Variants in NIN observed in about 807,000 individuals in gnomAD.
NIN encodes ninein, also known as glycogen synthase kinase 3 beta-interacting protein.
NIN carries 137 observed loss-of-function variants against 257.6 expected under a neutral mutation model. The ratio of observed to expected loss-of-function variants is 0.53; its 90% CI spans 0.46 to 0.61. The LOEUF (loss-of-function observed/expected upper bound fraction) is 0.61, where lower values mean the gene tolerates loss of function less well. Ranked by LOEUF, NIN falls within the 20% of genes least tolerant of loss-of-function variation. The pLI is 0.00. For missense variants in NIN, 2,439 were observed against 2,501.2 expected, an observed-to-expected ratio of 0.98 and a Z score of 0.53; for synonymous variants, 918 against 919.8, an observed-to-expected ratio of 1.00 and a Z score of 0.04.
intron 2 of NIN, among the ~76,000 whole-genome samples, chr14:50,829,174 G>C (rs1160539181): frequency 6.6e-6 from 1 of 152,076 alleles, no homozygotes; most frequent in Non-Finnish European, 1.5e-5. Flanking sequence ...ACCTCCCAAA[G>C]GACACTGACA....
intron 3 of NIN, among the ~76,000 whole-genome samples, chr14:50,807,035 A>AC (rs1385908400): frequency 6.6e-6 from 1 of 152,160 alleles, no homozygotes; most frequent in Non-Finnish European, 1.5e-5. Context: ...ATATTTATTC[A>AC]CCCCAAAGGA....
chr14:50,748,578 G>A (rs2041655700), intron 21 of NIN, among the ~76,000 whole-genome samples: 1 of 152,122 alleles, frequency 6.6e-6, no homozygotes, highest in Non-Finnish European at 1.5e-5. Flanking sequence ...AAACCCCATT[G>A]TCTCAGCCCC....
At chr14:50,760,697 G>A (rs2042243607) in intron 16 of NIN, among the ~76,000 whole-genome samples, 1 of 152,020 alleles carries the variant, frequency 6.6e-6, no homozygotes, top group African/African-American at 2.4e-5. Flanking sequence ...TTTTGAGACA[G>A]GTTCTCACTC....
intron 8 of NIN, 26 bp from the exon 9 acceptor site, chr14:50,772,494 A>G (rs764213008): frequency 1.2e-6 from 2 of 1,610,128 alleles, no homozygotes. Context: ...GACTTGAGTA[A>G]GCCTAGCTTG....
chr14:50,811,779 G>A (rs966819863), intron 3 of NIN, among the ~76,000 whole-genome samples: 1 of 151,802 alleles, frequency 6.6e-6, no homozygotes, highest in African/African-American at 2.4e-5. Flanking sequence ...CGGATCACAA[G>A]GTCAGGAGAT....
intron 4 of NIN, among the ~76,000 whole-genome samples, chr14:50,797,826 G>C (rs1280381345): frequency 6.6e-6 from 1 of 151,908 alleles, no homozygotes; most frequent in East Asian, 1.9e-4. Flanking sequence ...AGTGGGTGGG[G>C]AAACAGGAGA....
At chr14:50,829,939 C>T (rs964548439) in intron 2 of NIN, among the ~76,000 whole-genome samples, 1 of 152,212 alleles carries the variant, frequency 6.6e-6, no homozygotes, top group African/African-American at 2.4e-5. Flanking sequence ...CATGCCACAC[C>T]TTTTAGGCAA....
intron 29 of NIN, 86 bp from the exon 30 acceptor site, chr14:50,726,152 G>T: frequency 9.6e-7 from 1 of 1,042,242 alleles, no homozygotes; most frequent in Non-Finnish European, 1.4e-6. Context: ...CTAGAGAAAG[G>T]ACAGCAAATG....
chr14:50,763,779 A>T (rs767501931), intron 15 of NIN, 47 bp downstream of exon 15: 39 of 1,544,946 alleles, frequency 2.5e-5, no homozygotes, highest in Non-Finnish European at 1.8e-6. Context: ...CACGTTTCTA[A>T]AAACAAGAGT....
chr14:50,735,284 A>G (rs1421633009), intron 28 of NIN, among the ~76,000 whole-genome samples: 1 of 152,204 alleles, frequency 6.6e-6, no homozygotes, highest in East Asian at 1.9e-4. Context: ...AGGTCTTTGC[A>G]TTTTAGGTCA....
chr14:50,803,731 T>C (rs1461070481), intron 4 of NIN, among the ~76,000 whole-genome samples: 1 of 152,114 alleles, frequency 6.6e-6, no homozygotes, highest in African/African-American at 2.4e-5. Flanking sequence ...TAAAATGCTA[T>C]ATGATCTATG....
chr14:50,785,372 G>A (rs923894391), intron 5 of NIN, among the ~76,000 whole-genome samples: 23 of 152,254 alleles, frequency 1.5e-4, no homozygotes, highest in African/African-American at 4.3e-4. Flanking sequence ...CAGAATGTAC[G>A]GCTAATTAAA....
At position 50,757,885 on chromosome 14, in the gene NIN, C is replaced by T. The variant is rs2042105115; in HGVS notation, c.3145G>A (p.Ala1049Thr). 1 of 1,614,088 alleles carries T rather than the reference C, an allele frequency of 6.2e-7. No homozygotes were observed. The highest frequency in any genetic ancestry group is 1.1e-5 in the South Asian group (1 of 91,084). Reference protein sequence around the residue: ...IGEEEVEGDGALSLLQQGEQL... With the variant: ...IGEEEVEGDGTLSLLQQGEQL... Reference sequence around the variant, plus strand: ...TCCCCTTGCTGAAGCAGGGACAGGGCTCCATCTCCTTCCACCTCCTCCTCT... The same window carrying T: ...TCCCCTTGCTGAAGCAGGGACAGGGTTCCATCTCCTTCCACCTCCTCCTCT... The change falls in exon 18 of 31, where the codon GCC (alanine) becomes ACC (threonine). Residue 1049 changes from alanine to threonine, a missense_variant. Physicochemically the swap from Ala to Thr is moderately conservative, Grantham distance 58. Coordinates refer to ENST00000530997, the MANE Select transcript of NIN (RefSeq NM_020921.4).
intron 4 of NIN, among the ~76,000 whole-genome samples, chr14:50,794,987 T>G (rs1303963579): frequency 6.6e-6 from 1 of 152,184 alleles, no homozygotes; most frequent in Admixed American, 6.5e-5. Flanking sequence ...GGAGTTTTGG[T>G]TTATTTACTC....
Position 50,758,512 on chromosome 14 carries a change from A to G in NIN, c.2518T>C (p.Tyr840His). 1 of 1,614,162 alleles carries G rather than the reference A, an allele frequency of 6.2e-7. No individual in the cohort carries two copies. The highest frequency in any genetic ancestry group is 1.1e-5 in the South Asian group (1 of 91,070). Residue 840 changes from tyrosine (Y) to histidine (H), a missense_variant, in exon 18 of 31, where the codon TAC becomes CAC. This residue lies in a region of NIN where 2,043 missense variants were observed against 2,050.2 expected (regional missense o/e 1.00). Transcript: ENST00000530997. ...ESALQSLEGR[Y>H]RQELKDLQEQ... is the part of the protein sequence containing the mutation. ...TGGAGGTCCTTCAGCTCTTGGCGGTAGCGCCCCTCCAGGCTTTGCAGAGCG... is the reference window on the plus strand; with the variant it reads ...TGGAGGTCCTTCAGCTCTTGGCGGTGGCGCCCCTCCAGGCTTTGCAGAGCG...
chr14:50,724,455 AAGCT>A (rs1485615494), intron 30 of NIN, among the ~76,000 whole-genome samples: 1 of 152,196 alleles, frequency 6.6e-6, no homozygotes, highest in Admixed American at 6.5e-5. Context: ...CAGCACTCTC[AAGCT>A]CAGAACCTAG....
chr14:50,733,339 C>G (rs2040814946), intron 28 of NIN, among the ~76,000 whole-genome samples: 1 of 152,196 alleles, frequency 6.6e-6, no homozygotes, highest in Non-Finnish European at 1.5e-5. Context: ...GAACCACCTG[C>G]CTCAGCCTCC....
At chr14:50,829,609 A>C (rs2045608077) in intron 2 of NIN, among the ~76,000 whole-genome samples, 1 of 152,212 alleles carries the variant, frequency 6.6e-6, no homozygotes, top group African/African-American at 2.4e-5. Context: ...TGGCAAGCCC[A>C]TCTTAGAAGT....
intron 3 of NIN, among the ~76,000 whole-genome samples, chr14:50,812,724 A>G (rs747581273): frequency 2.0e-5 from 3 of 151,930 alleles, no homozygotes; most frequent in Non-Finnish European, 2.9e-5. Context: ...TCAAATCTTC[A>G]CAGACAGAGA....
Sources: allele counts gnomAD v4.1 joint callset (sites outside exome capture counted in the v4.1 genomes callset), GRCh38; gene constraint gnomAD v4.1.1; regional missense constraint gnomAD v4.1.1; transcripts MANE v1.5; gene names NCBI Gene and HGNC (gene_info 2026-07-23, HGNC 2026-07-21).